Variants in SUPT3H observed in about 807,000 individuals in gnomAD.
SUPT3H encodes transcription initiation protein SPT3 homolog.
A neutral mutation model predicts 44.3 loss-of-function variants in SUPT3H; 44 were observed. The observed-to-expected ratio is 0.99, with a 90% CI of 0.78 to 1.28. The LOEUF is 1.28. SUPT3H is among the 50% of genes most tolerant of loss of function. The pLI is 0.00. For synonymous variants in SUPT3H, 124 were observed against 125.6 expected (o/e 0.99, Z 0.09); for missense variants, 380 against 387.1 (o/e 0.98, Z 0.15).
intron 2 of SUPT3H, among the ~76,000 whole-genome samples, chr6:45,156,835 A>T (rs1310627679): frequency 6.6e-6 from 1 of 151,996 alleles, no homozygotes; most frequent in East Asian, 1.9e-4. Context: ...AGTGTGAAAT[A>T]TTTGTTGACA....
chr6:45,020,555 G>A lies in SUPT3H; in HGVS notation c.264C>T (p.Arg88=), dbSNP rs749597215. ...ITPEDLLFLM[R]KDKKKLRRLL... ...AATTATGTTATATTACCTTATCTTT[G>A]CGCATCAAAAACAGAAGATCTTCAG... is the stretch of plus-strand genomic sequence containing the variant. Residue 88 remains arginine (R), a synonymous_variant, in exon 4 of 11, where the codon CGC becomes CGT. Coordinates refer to ENST00000371459, the MANE Select transcript of SUPT3H (RefSeq NM_003599.4). The A allele has an allele frequency of 4.3e-6, 7 of 1,610,100 alleles. No individual in the cohort carries two copies. The highest frequency in any genetic ancestry group is 5.9e-6 in the Non-Finnish European group (7 of 1,177,350).
chr6:45,126,093 T>G (rs1274127927), intron 2 of SUPT3H, among the ~76,000 whole-genome samples: 1 of 152,184 alleles, frequency 6.6e-6, no homozygotes, highest in Admixed American at 6.5e-5. Flanking sequence ...ATGCCCAAAT[T>G]TAAATTTCAG....
At position 45,321,843 on chromosome 6, in the gene SUPT3H, A is replaced by G. The variant is rs200438033; in HGVS notation, c.101+43358T>C. 75 of 1,601,224 alleles carry G rather than the reference A, an allele frequency of 4.7e-5. No individual in the cohort carries two copies. The East Asian group carries it at 1.7e-3, about 36-fold the overall frequency. On this transcript the variant is annotated intron_variant, in intron 2 of 10. Coordinates refer to ENST00000371459, the MANE Select transcript of SUPT3H (RefSeq NM_003599.4). ...GAAGGATATTGTGATAACAATAGGGAAAAACTGATTTTCCAATTATTTCTA... is the reference window on the plus strand; with the variant it reads ...GAAGGATATTGTGATAACAATAGGGGAAAACTGATTTTCCAATTATTTCTA...
intron 2 of SUPT3H, among the ~76,000 whole-genome samples, chr6:45,186,917 C>CT (rs924632162): frequency 8.6e-5 from 13 of 151,976 alleles, no homozygotes; most frequent in African/African-American, 3.1e-4. Context: ...TTAGGTCATA[C>CT]TTTTTAATCC....
At chr6:45,017,720 C>A (rs990870609) in intron 4 of SUPT3H, among the ~76,000 whole-genome samples, 24 of 146,364 alleles carry the variant, frequency 1.6e-4, no homozygotes, top group African/African-American at 5.8e-4. Flanking sequence ...TGTTTTGGTA[C>A]CAGTACCATG....
intron 10 of SUPT3H, among the ~76,000 whole-genome samples, chr6:44,915,329 T>C (rs1207087690): frequency 6.6e-6 from 1 of 152,234 alleles, no homozygotes; most frequent in Non-Finnish European, 1.5e-5. Context: ...ATTAAATTCT[T>C]AGGAAATTTC....
chr6:44,813,943 T>TA (rs1766725110), intron 11 of SUPT3H, among the ~76,000 whole-genome samples: 1 of 151,994 alleles, frequency 6.6e-6, no homozygotes, highest in Admixed American at 6.6e-5. Context: ...GGATAGGATC[T>TA]AAAAAAATCG....
chr6:44,900,012 T>C (rs1764714383), intron 10 of SUPT3H, among the ~76,000 whole-genome samples: 2 of 152,226 alleles, frequency 1.3e-5, no homozygotes, highest in Non-Finnish European at 2.9e-5. Flanking sequence ...ACTAGTTATG[T>C]TTCTCAAATT....
chr6:44,934,506 T>TA (rs1299560597), intron 9 of SUPT3H, among the ~76,000 whole-genome samples: 2 of 152,238 alleles, frequency 1.3e-5, no homozygotes, highest in Admixed American at 6.5e-5. Context: ...GTAGGAGGTT[T>TA]ACTATGGTAA....
Position 45,020,817 on chromosome 6 carries a change from ATTAAC to A in SUPT3H, c.187-190_187-186del, listed in dbSNP as rs1448535348. 7.2e-5 allele frequency among the ~76,000 whole-genome samples: 11 copies of A among 152,134 alleles called. No individual in the cohort carries two copies. The East Asian group carries it at 1.9e-3, about 27-fold the overall frequency. On this transcript the variant is annotated intron_variant, in intron 3 of 10. Coordinates refer to ENST00000371459, the MANE Select transcript of SUPT3H (RefSeq NM_003599.4). ...TTTAAGATATAAAACATGCAATTAA[ATTAAC>A]TTATGAGCCCACCTGTAACCAATAC...
At chr6:44,949,167 A>C (rs1309195854) in intron 9 of SUPT3H, among the ~76,000 whole-genome samples, 1 of 151,370 alleles carries the variant, frequency 6.6e-6, no homozygotes, top group Non-Finnish European at 1.5e-5. Context: ...GCATGTTCTC[A>C]CTCATAGGTG....
chr6:45,211,854 A>G (rs1444019335), intron 2 of SUPT3H, among the ~76,000 whole-genome samples: 1 of 150,850 alleles, frequency 6.6e-6, no homozygotes, highest in African/African-American at 2.4e-5. Context: ...TCTCAACTAA[A>G]AAAAAAAAAA....
rs1815101612 is a variant in SUPT3H at position 45,191,358 on chromosome 6, A to G, written c.102-85352T>C. ...GATTCCAACTATATGAAATTCTGAA[A>G]AAGGCAGAACTATGTAGACAATAAA... On this transcript the variant is annotated intron_variant, in intron 2 of 10. Transcript: ENST00000371459. Among the ~76,000 whole-genome samples the G allele has an allele frequency of 2.0e-5, 3 of 152,136 alleles. No individual in the cohort carries two copies. In the South Asian group the frequency reaches 6.2e-4, roughly 31 times the overall value.
At chr6:44,905,068 T>C (rs1255497818) in intron 10 of SUPT3H, among the ~76,000 whole-genome samples, 3 of 151,994 alleles carry the variant, frequency 2.0e-5, no homozygotes, top group Non-Finnish European at 4.4e-5. Flanking sequence ...ATAAAAACCC[T>C]AGAAGAAAAC....
intron 10 of SUPT3H, among the ~76,000 whole-genome samples, chr6:44,868,682 C>T (rs1197894442): frequency 6.6e-6 from 1 of 152,180 alleles, no homozygotes; most frequent in Non-Finnish European, 1.5e-5. Context: ...TCCTGCCTGT[C>T]TTCCCCTCTT....
At chr6:45,156,543 T>C (rs1807842227) in intron 2 of SUPT3H, among the ~76,000 whole-genome samples, 1 of 151,428 alleles carries the variant, frequency 6.6e-6, no homozygotes, top group Non-Finnish European at 1.5e-5. Flanking sequence ...TATAATAATA[T>C]ATATTTTCTG....
chr6:45,083,764 A>G (rs1317592369), intron 3 of SUPT3H, among the ~76,000 whole-genome samples: 1 of 152,160 alleles, frequency 6.6e-6, no homozygotes, highest in Non-Finnish European at 1.5e-5. Flanking sequence ...CTAATGAAAC[A>G]GAATAGATAA....
intron 9 of SUPT3H, among the ~76,000 whole-genome samples, chr6:44,947,803 T>C (rs142498549): frequency 2.0e-5 from 3 of 152,212 alleles, no homozygotes; most frequent in South Asian, 2.1e-4. Flanking sequence ...TAAGTAAAAA[T>C]TGGATTTGGC....
At chr6:44,820,249 T>C (rs1767204650) in intron 11 of SUPT3H, among the ~76,000 whole-genome samples, 2 of 152,226 alleles carry the variant, frequency 1.3e-5, no homozygotes, top group South Asian at 2.1e-4. Flanking sequence ...CAAATAAAAT[T>C]TGACATAATA....
Sources: allele counts gnomAD v4.1 joint callset (sites outside exome capture counted in the v4.1 genomes callset), GRCh38; gene constraint gnomAD v4.1.1; transcripts MANE v1.5; gene names NCBI Gene and HGNC (gene_info 2026-07-23, HGNC 2026-07-21).